Variants in PTPRT observed in about 807,000 individuals in gnomAD.
PTPRT encodes receptor-type tyrosine-protein phosphatase T.
PTPRT carries 56 observed loss-of-function variants against 176.8 expected under a neutral mutation model. The observed-to-expected ratio is 0.32, with a 90% CI of 0.26 to 0.40. The LOEUF is 0.40. PTPRT is among the 10% of genes least tolerant of loss of function. The pLI, the probability that PTPRT is intolerant of heterozygous loss-of-function variation, is 1.00. For missense variants in PTPRT, 1,540 were observed against 1,908.2 expected (o/e 0.81, Z 3.60); for synonymous variants, 783 against 739.0 (o/e 1.06, Z -0.96).
chr20:42,893,310 G>C (rs899328677), intron 1 of PTPRT, among the ~76,000 whole-genome samples: 5 of 152,180 alleles, frequency 3.3e-5, no homozygotes, highest in Non-Finnish European at 7.3e-5. Context: ...ACCACAATGA[G>C]ATACCATCTC....
intron 1 of PTPRT, among the ~76,000 whole-genome samples, chr20:43,080,061 C>G (rs1365316925): frequency 6.6e-6 from 1 of 152,208 alleles, no homozygotes; most frequent in African/African-American, 2.4e-5. Context: ...TTTGCTGCCT[C>G]TCTCTACCAG....
chr20:43,013,195 CT>C (rs1985213822), intron 1 of PTPRT, among the ~76,000 whole-genome samples: 1 of 151,452 alleles, frequency 6.6e-6, no homozygotes. Context: ...CATTTTTATT[CT>C]TTTGGAAGTG....
At chr20:42,227,450 A>G (rs2056039801) in intron 15 of PTPRT, among the ~76,000 whole-genome samples, 1 of 152,068 alleles carries the variant, frequency 6.6e-6, no homozygotes, top group Non-Finnish European at 1.5e-5. Flanking sequence ...TGCACTCTTC[A>G]TTGCCTATGA....
intron 1 of PTPRT, among the ~76,000 whole-genome samples, chr20:42,993,757 T>C (rs1984079525): frequency 2.0e-5 from 3 of 152,028 alleles, no homozygotes; most frequent in East Asian, 3.9e-4. Flanking sequence ...ACCTGACTTA[T>C]CACCAAAACT....
intron 1 of PTPRT, among the ~76,000 whole-genome samples, chr20:42,960,901 AC>A (rs1981948247): frequency 6.6e-6 from 1 of 152,172 alleles, no homozygotes; most frequent in East Asian, 1.9e-4. Flanking sequence ...AAAAACTATA[AC>A]CAATATGGGG....
chr20:42,212,145 T>G (rs1476713514), intron 15 of PTPRT, among the ~76,000 whole-genome samples: 1 of 82,086 alleles, frequency 1.2e-5, no homozygotes, highest in East Asian at 4.4e-4. Context: ...TGGGAACTGT[T>G]GTGGGGTGGG....
chr20:42,034,918 T>G, the PTPRT span, among the ~76,000 whole-genome samples: 1 of 152,162 alleles, frequency 6.6e-6, no homozygotes, highest in Non-Finnish European at 1.5e-5. Flanking sequence ...ATTCTCTCCA[T>G]GCAGAATCCT....
At chr20:42,794,925 G>C (rs1328535663) in intron 2 of PTPRT, among the ~76,000 whole-genome samples, 3 of 152,062 alleles carry the variant, frequency 2.0e-5, no homozygotes. Context: ...ACCTTATATA[G>C]GTCTGACCAC....
chr20:42,979,990 TG>T (rs34988665), intron 1 of PTPRT, among the ~76,000 whole-genome samples: 13,713 of 55,480 alleles, frequency 0.25, 839 homozygotes, highest in African/African-American at 0.32. Flanking sequence ...GAAGGGGGGG[TG>T]GGGGGGGGTC....
chr20:42,312,620 T>C (rs8122348), intron 12 of PTPRT, among the ~76,000 whole-genome samples: 44,754 of 151,962 alleles, frequency 0.29, 6,979 homozygotes, highest in Middle Eastern at 0.35. Flanking sequence ...CCGCAAGACA[T>C]GTGGCATAAG....
At chr20:42,399,517 C>T (rs1409232923) in intron 9 of PTPRT, among the ~76,000 whole-genome samples, 1 of 152,188 alleles carries the variant, frequency 6.6e-6, no homozygotes, top group African/African-American at 2.4e-5. Context: ...TTTAAAAATA[C>T]ACTTACTCCT....
chr20:42,473,380 A>T (rs6016805), intron 7 of PTPRT, among the ~76,000 whole-genome samples: 40,322 of 135,212 alleles, frequency 0.3, 5,869 homozygotes, highest in African/African-American at 0.39. Context: ...AGATTTTTTT[A>T]ATATAAAACA....
intron 9 of PTPRT, among the ~76,000 whole-genome samples, chr20:42,359,031 G>T (rs1394543974): frequency 1.3e-5 from 2 of 152,204 alleles, no homozygotes; most frequent in Non-Finnish European, 2.9e-5. Flanking sequence ...GCTACTAAAC[G>T]TGTGGTTTGC....
At chr20:42,111,582 TAATAACTAACAAAC>T (rs966007967) in intron 22 of PTPRT, among the ~76,000 whole-genome samples, 9 of 142,852 alleles carry the variant, frequency 6.3e-5, no homozygotes, top group Admixed American at 4.1e-4. Flanking sequence ...ATAGTGAAAA[TAATAACTAACAAAC>T]ATTAACTAAG....
At chr20:43,181,595 T>G (rs925417719) in intron 1 of PTPRT, among the ~76,000 whole-genome samples, 1 of 152,202 alleles carries the variant, frequency 6.6e-6, no homozygotes, top group African/African-American at 2.4e-5. Context: ...AGTTATCCTA[T>G]TCAAACTAAC....
chr20:42,401,783 C>T (rs1352221683), intron 9 of PTPRT, among the ~76,000 whole-genome samples: 4 of 152,160 alleles, frequency 2.6e-5, no homozygotes, highest in Non-Finnish European at 5.9e-5. Flanking sequence ...ACTGCCAGCC[C>T]GATCACCAGC....
chr20:42,800,759 G>T (rs918466198), intron 2 of PTPRT, among the ~76,000 whole-genome samples: 1 of 152,098 alleles, frequency 6.6e-6, no homozygotes, highest in Non-Finnish European at 1.5e-5. Context: ...GGGGAGAAAA[G>T]ACAGCAAAAA....
intron 7 of PTPRT, among the ~76,000 whole-genome samples, chr20:42,490,055 A>G (rs1379137306): frequency 1.3e-5 from 2 of 152,214 alleles, no homozygotes; most frequent in Non-Finnish European, 2.9e-5. Flanking sequence ...GTTTCCAGAC[A>G]TACATGAAAT....
At chr20:43,046,617 C>T (rs928759382) in intron 1 of PTPRT, among the ~76,000 whole-genome samples, 15 of 151,956 alleles carry the variant, frequency 9.9e-5, no homozygotes, top group Admixed American at 6.5e-4. Context: ...TGAGGTCGGG[C>T]TGTGGTGGGG....
Sources: gnomAD v4.1 joint callset for allele counts (sites outside exome capture counted in the v4.1 genomes callset) on GRCh38, gnomAD v4.1.1 for gene constraint, MANE v1.5 for transcripts, NCBI Gene and HGNC (gene_info 2026-07-23, HGNC 2026-07-21) for gene names.